RBFOX1: variants seen among roughly 807,000 people sequenced by gnomAD.
RBFOX1 encodes RNA binding fox-1 homolog 1, also known as RNA binding protein fox-1 homolog 1.
Under a neutral mutation model 57.7 loss-of-function variants are expected in RBFOX1, and 8 were observed. That is an observed-to-expected ratio of 0.14 (90% confidence interval 0.08 to 0.25). The LOEUF is 0.25. Among genes scored for constraint, RBFOX1 ranks in the 10% least tolerant of loss-of-function variants. The pLI is 1.00. For synonymous variants in RBFOX1, 326 were observed against 222.4 expected (o/e 1.47, Z -4.15); for missense variants, 611 against 548.5 (o/e 1.11, Z -1.14).
intron 1 of RBFOX1, among the ~76,000 whole-genome samples, chr16:5,385,935 A>G (rs2151403544): frequency 1.3e-5 from 2 of 151,928 alleles, no homozygotes; most frequent in South Asian, 4.2e-4. Context: ...GCGTTCCAGT[A>G]AAAATGCTGA....
At chr16:7,340,321 G>A (rs2096868961) in intron 4 of RBFOX1, among the ~76,000 whole-genome samples, 1 of 152,196 alleles carries the variant, frequency 6.6e-6, no homozygotes, top group Admixed American at 6.5e-5. Context: ...CAAGTGGTGG[G>A]TTTCAGATCT....
chr16:5,735,119 T>C (rs1214324281), intron 3 of RBFOX1, among the ~76,000 whole-genome samples: 3 of 152,212 alleles, frequency 2.0e-5, no homozygotes, highest in African/African-American at 7.2e-5. Context: ...AGTTACTCCG[T>C]TTCTGTGCCT....
At chr16:5,715,451 G>A (rs1159036878) in intron 3 of RBFOX1, among the ~76,000 whole-genome samples, 2 of 152,166 alleles carry the variant, frequency 1.3e-5, no homozygotes, top group African/African-American at 4.8e-5. Context: ...TCTCAAACTC[G>A]AAATATCTTC....
chr16:6,651,883 C>T (rs1441962685), intron 2 of RBFOX1, among the ~76,000 whole-genome samples: 2 of 152,060 alleles, frequency 1.3e-5, no homozygotes, highest in Non-Finnish European at 2.9e-5. Context: ...TGTTATTCAT[C>T]CTTAATAAGA....
intron 11 of RBFOX1, among the ~76,000 whole-genome samples, chr16:7,642,977 C>G (rs1342039058): frequency 6.6e-6 from 1 of 152,174 alleles, no homozygotes; most frequent in Admixed American, 6.5e-5. Context: ...ATCACAAATA[C>G]CTCTTCTGCA....
chr16:5,710,012 G>A (rs184167408), intron 3 of RBFOX1, among the ~76,000 whole-genome samples: 1 of 150,826 alleles, frequency 6.6e-6, no homozygotes, highest in African/African-American at 2.4e-5. Flanking sequence ...GGGTTCTACA[G>A]CCTGTACGCT....
chr16:7,333,958 A>G (rs575424733), intron 4 of RBFOX1, among the ~76,000 whole-genome samples: 31 of 152,260 alleles, frequency 2.0e-4, no homozygotes, highest in African/African-American at 7.2e-4. Flanking sequence ...TAAATTCTGT[A>G]TCTCCTTTCT....
At chr16:5,356,284 C>G (rs1206793219) in intron 1 of RBFOX1, among the ~76,000 whole-genome samples, 1 of 152,168 alleles carries the variant, frequency 6.6e-6, no homozygotes, top group Non-Finnish European at 1.5e-5. Context: ...TCCGTGATGA[C>G]ACCTTGATTT....
chr16:5,687,023 G>T (rs2050524783), intron 3 of RBFOX1, among the ~76,000 whole-genome samples: 1 of 152,108 alleles, frequency 6.6e-6, no homozygotes, highest in African/African-American at 2.4e-5. Flanking sequence ...GCTGCGTTGG[G>T]ATCTATTGCA....
chr16:6,311,206 G>A (rs1206118673), intron 1 of RBFOX1, among the ~76,000 whole-genome samples: 1 of 141,188 alleles, frequency 7.1e-6, no homozygotes, highest in African/African-American at 2.6e-5. Context: ...TGAGGCAGAA[G>A]AATCTCTTGA....
At chr16:7,698,010 G>A (rs1336618433) in intron 14 of RBFOX1, among the ~76,000 whole-genome samples, 1 of 152,142 alleles carries the variant, frequency 6.6e-6, no homozygotes, top group East Asian at 1.9e-4. Context: ...GTCAGGTCAG[G>A]AAGCATGTTG....
intron 2 of RBFOX1, among the ~76,000 whole-genome samples, chr16:5,542,487 G>A (rs2045000895): frequency 6.7e-6 from 1 of 150,214 alleles, no homozygotes; most frequent in African/African-American, 2.5e-5. Context: ...TCAAACTCCT[G>A]ACCTTGTGAT....
At chr16:6,458,427 TAGA>T (rs1350354091) in intron 2 of RBFOX1, among the ~76,000 whole-genome samples, 1 of 152,242 alleles carries the variant, frequency 6.6e-6, no homozygotes. Flanking sequence ...ATTGATTTAT[TAGA>T]AGACTCAAAT....
At chr16:7,494,830 C>CTTTTTTTTT (rs61434992) in intron 4 of RBFOX1, among the ~76,000 whole-genome samples, 2 of 125,442 alleles carry the variant, frequency 1.6e-5, no homozygotes, top group Non-Finnish European at 3.3e-5. Flanking sequence ...GTGTTACCTA[C>CTTTTTTTTT]TTTTTTTTTT....
chr16:6,512,283 C>CAAAAAA lies in RBFOX1; in HGVS notation c.-63-142309_-63-142304dup, dbSNP rs565248640. Among the ~76,000 whole-genome samples the CAAAAAA allele has an allele frequency of 1.4e-4, 12 of 86,962 alleles. 1 individual carries two copies. The highest frequency in any genetic ancestry group is 3.9e-4 in the East Asian group (1 of 2,550). The allele number at this position is 86,962 out of a possible 152,430, so 57.1% of individuals were successfully genotyped here. A position where few individuals can be genotyped will look rare whatever the true frequency, so the allele number is the denominator to read the frequency against. On this transcript the variant is annotated intron_variant, in intron 2 of 15. Transcript: ENST00000550418. ...TGGGTAACAGAGCAAGACCCTGTAT[C>CAAAAAA]AAAAAAAAAAAAAAAAGGTAAGAGA...
intron 4 of RBFOX1, among the ~76,000 whole-genome samples, chr16:5,949,775 A>G (rs2059482961): frequency 6.6e-6 from 1 of 152,148 alleles, no homozygotes; most frequent in Admixed American, 6.5e-5. Flanking sequence ...ATCACCCCGA[A>G]TATTCTTTGG....
chr16:5,925,361 G>C (rs755729733), intron 4 of RBFOX1, among the ~76,000 whole-genome samples: 1 of 152,174 alleles, frequency 6.6e-6, no homozygotes, highest in Non-Finnish European at 1.5e-5. Context: ...CTACAGTGTA[G>C]ATGAACCTTG....
In RBFOX1 at chr16:7,080,212, C is replaced by G. The variant is rs1204701591; in HGVS notation, c.27+28114C>G. Among the ~76,000 whole-genome samples, 4 of 151,860 alleles carry G rather than the reference C, an allele frequency of 2.6e-5. No individual in the cohort carries two copies. In the East Asian group the frequency reaches 5.8e-4, roughly 22 times the overall value. Reference sequence around the variant, plus strand: ...CATTCCCATTTGTTTTTGGGAGTCACAAGAAGGGTTGAACTGACCTCTGAT... The same window carrying G: ...CATTCCCATTTGTTTTTGGGAGTCAGAAGAAGGGTTGAACTGACCTCTGAT... On this transcript the variant is annotated intron_variant, in intron 4 of 15. Transcript: ENST00000550418.
At chr16:6,179,065 A>G (rs1046399657) in intron 1 of RBFOX1, among the ~76,000 whole-genome samples, 2 of 152,188 alleles carry the variant, frequency 1.3e-5, no homozygotes, top group African/African-American at 4.8e-5. Context: ...ACATCTTGAT[A>G]AGGTACTGGA....
Sources: allele counts gnomAD v4.1 joint callset (sites outside exome capture counted in the v4.1 genomes callset), GRCh38; gene constraint gnomAD v4.1.1; transcripts MANE v1.5; gene names NCBI Gene and HGNC (gene_info 2026-07-23, HGNC 2026-07-21).